FMN1: variants seen among roughly 807,000 people sequenced by gnomAD.
FMN1 encodes formin 1, also known as formin-1.
Under a neutral mutation model 132.4 loss-of-function variants are expected in FMN1, and 110 were observed. That is an observed-to-expected ratio of 0.83 (90% CI 0.71 to 0.97). The LOEUF is 0.97. FMN1 is among the 50% of genes least tolerant of loss of function. The pLI is 0.00. For synonymous variants in FMN1, 722 were observed against 651.7 expected (o/e 1.11, Z -1.64); for missense variants, 1,792 against 1,705.3 (o/e 1.05, Z -0.90).
rs76957330 is a variant in FMN1 at position 32,800,562 on chromosome 15, T to C, written c.3981-1609A>G. Among the ~76,000 whole-genome samples the C allele has an allele frequency of 6.9e-3, 1,047 of 152,318 alleles. 14 individuals carry two copies. Among genetic ancestry groups the C allele is most frequent in the African/African-American group, 0.024 (1,000 of 41,564 alleles). ...ATGGGAATACATAAGTAGAGAGTTA[T>C]ATAACCTATAGGAACAGGCCATTCA... On this transcript the variant is annotated intron_variant, in intron 18 of 20. Coordinates refer to ENST00000616417, the MANE Select transcript of FMN1 (RefSeq NM_001277313.2).
At chr15:32,863,670 G>A (rs1006311949) in intron 16 of FMN1, among the ~76,000 whole-genome samples, 1 of 152,154 alleles carries the variant, frequency 6.6e-6, no homozygotes, top group African/African-American at 2.4e-5. Context: ...GCAAACCTAC[G>A]AGTTATTTCC....
chr15:33,077,798 A>C (rs906777556), intron 5 of FMN1, among the ~76,000 whole-genome samples: 1 of 151,680 alleles, frequency 6.6e-6, no homozygotes, highest in African/African-American at 2.4e-5. Context: ...ATTTACAAAA[A>C]AAAAAAAAAA....
intron 19 of FMN1, among the ~76,000 whole-genome samples, chr15:32,781,503 A>AC (rs2056662775): frequency 6.6e-6 from 1 of 152,146 alleles, no homozygotes; most frequent in Non-Finnish European, 1.5e-5. Context: ...TGCATCAACG[A>AC]CCGGGCTATG....
At position 32,766,692 on chromosome 15, in the gene FMN1, G is replaced by A. The variant is rs1230718935; in HGVS notation, c.*7618C>T. On this transcript the variant is annotated 3_prime_UTR_variant, in exon 21 of 21. Coordinates refer to ENST00000616417, the MANE Select transcript of FMN1 (RefSeq NM_001277313.2). ...CTCACATGGGCTCCTTGGTGACAGC[G>A]GAGCTCCCTGTCCAAACGGCTGAGG... 3.3e-5 allele frequency: 5 copies of A among 152,268 alleles called. No individual in the cohort carries two copies. Among genetic ancestry groups the A allele is most frequent in the Non-Finnish European group, 4.4e-5 (3 of 68,074 alleles). The allele number at this position is 152,268 out of a possible 1,614,324, so 9.4% of individuals were successfully genotyped here. A position where few individuals can be genotyped will look rare whatever the true frequency, so the allele number is the denominator to read the frequency against.
At chr15:32,808,897 T>C (rs1168592888) in intron 17 of FMN1, among the ~76,000 whole-genome samples, 2 of 131,396 alleles carry the variant, frequency 1.5e-5, no homozygotes, top group African/African-American at 2.7e-5. Flanking sequence ...CTCAAAACTT[T>C]AGTGTTTTTT....
chr15:32,885,196 T>C (rs1373734610), intron 16 of FMN1, among the ~76,000 whole-genome samples: 1 of 152,244 alleles, frequency 6.6e-6, no homozygotes, highest in Non-Finnish European at 1.5e-5. Flanking sequence ...CTACCTGGAC[T>C]TCTTCCCCTT....
At chr15:33,150,178 G>C (rs556015326) in intron 4 of FMN1, 1 of 985,410 alleles carries the variant, frequency 1.0e-6, no homozygotes, top group South Asian at 4.7e-5. Context: ...GCACTAAAAG[G>C]GTTTACTTTG....
At chr15:33,119,088 G>C (rs182129288) in intron 4 of FMN1, among the ~76,000 whole-genome samples, 2 of 152,140 alleles carry the variant, frequency 1.3e-5, no homozygotes, top group African/African-American at 2.4e-5. Context: ...TTTTCAGCTA[G>C]AATTCTTCAT....
At chr15:33,116,452 T>C (rs2039928860) in intron 4 of FMN1, among the ~76,000 whole-genome samples, 3 of 152,342 alleles carry the variant, frequency 2.0e-5, no homozygotes, top group African/African-American at 7.2e-5. Context: ...TTCCGTTTTC[T>C]GTCTATAAAT....
intron 9 of FMN1, among the ~76,000 whole-genome samples, chr15:32,954,218 A>C (rs1019453325): frequency 3.3e-5 from 5 of 152,202 alleles, no homozygotes; most frequent in Non-Finnish European, 7.3e-5. Context: ...TCTCCAATAT[A>C]TATACCTTAC....
intron 5 of FMN1, among the ~76,000 whole-genome samples, 200 bp from the exon 6 acceptor site, chr15:33,065,274 AACT>A (rs941849472): frequency 3.3e-5 from 5 of 151,242 alleles, no homozygotes; most frequent in African/African-American, 1.2e-4. Context: ...GAAAATTTAA[AACT>A]ACAACAACAA....
chr15:33,076,798 C>A (rs2141301865), intron 5 of FMN1, among the ~76,000 whole-genome samples: 1 of 152,214 alleles, frequency 6.6e-6, no homozygotes, highest in South Asian at 2.1e-4. Context: ...TTCTTTCCTA[C>A]TAAACATAGG....
chr15:32,778,443 C>T (rs369032216), intron 19 of FMN1, among the ~76,000 whole-genome samples: 10 of 151,580 alleles, frequency 6.6e-5, no homozygotes, highest in African/African-American at 2.2e-4. Context: ...AGAACTCTTA[C>T]AATTCAAATA....
intron 17 of FMN1, among the ~76,000 whole-genome samples, chr15:32,838,099 T>C (rs1249139651): frequency 6.6e-6 from 1 of 152,106 alleles, no homozygotes; most frequent in African/African-American, 2.4e-5. Flanking sequence ...GGCCGGCACG[T>C]TCACAACAAT....
chr15:32,931,857 C>G (rs2061126794), intron 9 of FMN1, among the ~76,000 whole-genome samples: 1 of 152,144 alleles, frequency 6.6e-6, no homozygotes, highest in South Asian at 2.1e-4. Context: ...TTATTTCTTT[C>G]TATTCCTTCT....
chr15:32,770,051 G>C lies in FMN1; in HGVS notation c.*4259C>G, dbSNP rs1041004514. The C allele has an allele frequency of 2.0e-5, 3 of 152,124 alleles. No individual in the cohort carries two copies. Among genetic ancestry groups the C allele is most frequent in the African/African-American group, 4.8e-5 (2 of 41,412 alleles). 9.4% of individuals were successfully genotyped at this position (152,124 alleles called of 1,614,324 possible). A position where few individuals can be genotyped will look rare whatever the true frequency, so the allele number is the denominator to read the frequency against. On this transcript the variant is annotated 3_prime_UTR_variant, in exon 21 of 21. Coordinates refer to ENST00000616417, the MANE Select transcript of FMN1 (RefSeq NM_001277313.2). ...ATATTTGGATCAGATATGTGGGAGG[G>C]GGGAAGGCTATATATTTTTGGACTT...
At chr15:32,776,789 C>T in intron 20 of FMN1, 46 bp downstream of exon 20, 1 of 1,243,556 alleles carries the variant, frequency 8.0e-7, no homozygotes, top group Non-Finnish European at 1.2e-6. Context: ...GGGCGCACCT[C>T]AATTTTCATG....
chr15:33,125,987 A>G (rs1206922682), intron 4 of FMN1, among the ~76,000 whole-genome samples: 1 of 149,186 alleles, frequency 6.7e-6, no homozygotes, highest in African/African-American at 2.6e-5. Flanking sequence ...AAGTTAGGAA[A>G]GTGGCTTCTA....
At chr15:32,957,422 G>C (rs2956151) in intron 9 of FMN1, among the ~76,000 whole-genome samples, 1 of 146,692 alleles carries the variant, frequency 6.8e-6, no homozygotes, top group Admixed American at 7.2e-5. Context: ...ATGTCACTTA[G>C]AGACAGTGTA....
Sources: gnomAD v4.1 joint callset for allele counts (sites outside exome capture counted in the v4.1 genomes callset) on GRCh38, gnomAD v4.1.1 for gene constraint, MANE v1.5 for transcripts, NCBI Gene and HGNC (gene_info 2026-07-23, HGNC 2026-07-21) for gene names.